TCF4: variants seen among roughly 807,000 people sequenced by gnomAD.
TCF4 encodes the protein SL3-3 enhancer factor 2.
A neutral mutation model predicts 82.1 loss-of-function variants in TCF4; 3 were observed. The observed-to-expected ratio is 0.04, with a 90% confidence interval of 0.02 to 0.09. TCF4 has a LOEUF of 0.09. Ranked by LOEUF, TCF4 falls within the 10% of genes least tolerant of loss-of-function variation. TCF4 has a pLI of 1.00. For missense variants in TCF4, 518 were observed against 852.7 expected (o/e 0.61, Z 4.89); for synonymous variants, 276 against 309.6 (o/e 0.89, Z 1.14).
chr18:55,322,351 C>T, intron 8 of TCF4: 1 of 994,586 alleles, frequency 1.0e-6, no homozygotes, highest in Non-Finnish European at 1.2e-6. Context: ...GTCTCTGCTG[C>T]TGGCTAGCTC....
At chr18:55,585,435 C>T (rs2097631773) in intron 2 of TCF4, 83 bp from the exon 3 acceptor site, 4 of 1,250,470 alleles carry the variant, frequency 3.2e-6, no homozygotes, top group Non-Finnish European at 4.7e-6. Flanking sequence ...ATACTGTTAC[C>T]AAACAGCTTA....
Position 55,225,372 on chromosome 18 carries a change from C to T in TCF4, c.*2663G>A, listed in dbSNP as rs1021210009. ...TTGCTTTGTTTACAGATTTGAAAAA[C>T]TTTAATTCAGCTCTATTAAGCACCT... On this transcript the variant is annotated 3_prime_UTR_variant, in exon 20 of 20. Transcript: ENST00000354452. 2 of 152,548 alleles carry T rather than the reference C, an allele frequency of 1.3e-5. No homozygotes were observed. The highest frequency in any genetic ancestry group is 2.9e-5 in the Non-Finnish European group (2 of 67,992). 9.4% of individuals were successfully genotyped at this position (152,548 alleles called of 1,614,324 possible).
In TCF4 at chr18:55,508,192, G is replaced by T. The variant is rs377107127; in HGVS notation, c.146-44055C>A. Among the ~76,000 whole-genome samples the T allele has an allele frequency of 2.0e-5, 3 of 151,974 alleles. No individual in the cohort carries two copies. The South Asian group carries it at 6.2e-4, about 32-fold the overall frequency. On this transcript the variant is annotated intron_variant, in intron 3 of 19. Coordinates refer to ENST00000354452, the MANE Select transcript of TCF4 (RefSeq NM_001083962.2). ...TCTGGCAAATAACACCTTATTATTTGATATGTGCAACTGCAAACTCATTTA... is the reference window on the plus strand; with the variant it reads ...TCTGGCAAATAACACCTTATTATTTTATATGTGCAACTGCAAACTCATTTA...
chr18:55,429,764 C>CAAA (rs35255242), intron 5 of TCF4, among the ~76,000 whole-genome samples: 5,006 of 56,816 alleles, frequency 0.088, 1,220 homozygotes, highest in Middle Eastern at 0.13. Flanking sequence ...GACTCCATCT[C>CAAA]AAAAAAAAAA....
chr18:55,300,981 A>G (rs192098371), intron 8 of TCF4, among the ~76,000 whole-genome samples: 25 of 152,300 alleles, frequency 1.6e-4, no homozygotes, highest in African/African-American at 4.1e-4. Flanking sequence ...GGTGTGAAGC[A>G]GATCACAGGC....
At chr18:55,354,033 G>C (rs2082893281) in intron 6 of TCF4, among the ~76,000 whole-genome samples, 1 of 152,162 alleles carries the variant, frequency 6.6e-6, no homozygotes, top group Non-Finnish European at 1.5e-5. Context: ...AAACACTGGA[G>C]GCAGATGTGG....
intron 3 of TCF4, among the ~76,000 whole-genome samples, chr18:55,563,657 T>C (rs1266176620): frequency 6.6e-6 from 1 of 152,240 alleles, no homozygotes; most frequent in East Asian, 1.9e-4. Flanking sequence ...GGGGAATCTC[T>C]GAATCTCAGC....
At chr18:55,490,531 A>T (rs2145795880) in intron 3 of TCF4, among the ~76,000 whole-genome samples, 1 of 152,332 alleles carries the variant, frequency 6.6e-6, no homozygotes, top group East Asian at 1.9e-4. Flanking sequence ...TGAATAGTAC[A>T]TGCAAGTGTT....
chr18:55,587,631 C>A (rs1181948850), intron 1 of TCF4, among the ~76,000 whole-genome samples: 1 of 151,692 alleles, frequency 6.6e-6, no homozygotes, highest in Non-Finnish European at 1.5e-5. Context: ...CCACTCCCCT[C>A]CGCTTTTCAA....
chr18:55,333,019 A>G (rs1603043792), intron 8 of TCF4, among the ~76,000 whole-genome samples: 2 of 152,258 alleles, frequency 1.3e-5, no homozygotes, highest in African/African-American at 2.4e-5. Flanking sequence ...CAAGTCTACC[A>G]AAAAATTTAC....
At chr18:55,470,784 G>T (rs1475150989) in intron 3 of TCF4, among the ~76,000 whole-genome samples, 1 of 152,104 alleles carries the variant, frequency 6.6e-6, no homozygotes, top group Non-Finnish European at 1.5e-5. Context: ...TCCTGCTCTT[G>T]TGGAAATATA....
At chr18:55,373,869 A>C (rs967556344) in intron 6 of TCF4, among the ~76,000 whole-genome samples, 3 of 152,092 alleles carry the variant, frequency 2.0e-5, no homozygotes, top group African/African-American at 4.8e-5. Flanking sequence ...TTTCAAATGC[A>C]TATGAAATGC....
chr18:55,587,107 G>C lies in TCF4; in HGVS notation c.10C>G (p.Gln4Glu). 6.2e-7 allele frequency: 1 copy of C among 1,613,230 alleles called. No homozygotes were observed. The highest frequency in any genetic ancestry group is 8.5e-7 in the Non-Finnish European group (1 of 1,179,874). ...GTCCCTAAGGCAGCCATTCGCTGTT[G>C]GTGATGCATTTTAGCAAAATCACAC... is the stretch of plus-strand genomic sequence containing the variant. MHH[Q>E]QRMAALGTDK... Residue 4 changes from glutamine to glutamate, a missense_variant, in exon 2 of 20, where the codon CAA becomes GAA. Gln to Glu is a conservative substitution (Grantham distance 29). Transcript: ENST00000354452.
At chr18:55,450,793 T>C (rs772682039) in intron 5 of TCF4, among the ~76,000 whole-genome samples, 2 of 152,206 alleles carry the variant, frequency 1.3e-5, no homozygotes, top group Non-Finnish European at 2.9e-5. Flanking sequence ...ATGAAAACCA[T>C]GGTACCTTGT....
chr18:55,429,497 T>C (rs1454414668), intron 5 of TCF4, among the ~76,000 whole-genome samples: 2 of 152,172 alleles, frequency 1.3e-5, no homozygotes, highest in African/African-American at 4.8e-5. Flanking sequence ...GCACGATGGC[T>C]CACGCCTGTA....
chr18:55,275,482 A>G, intron 10 of TCF4, 137 bp downstream of exon 10: 1 of 1,125,510 alleles, frequency 8.9e-7, no homozygotes, highest in Non-Finnish European at 1.3e-6. Flanking sequence ...TCACAGAAAC[A>G]ATACAACTTA....
intron 3 of TCF4, among the ~76,000 whole-genome samples, chr18:55,522,323 G>C (rs1309916727): frequency 6.6e-6 from 1 of 152,008 alleles, no homozygotes; most frequent in Non-Finnish European, 1.5e-5. Flanking sequence ...AGTTTAACAT[G>C]TTAAAAACTG....
At chr18:55,474,967 T>C (rs763867112) in intron 3 of TCF4, among the ~76,000 whole-genome samples, 9 of 152,208 alleles carry the variant, frequency 5.9e-5, no homozygotes, top group Non-Finnish European at 7.3e-5. Flanking sequence ...TATAATTATA[T>C]AATATGTTGC....
intron 3 of TCF4, among the ~76,000 whole-genome samples, chr18:55,487,127 T>C (rs1296516856): frequency 6.6e-6 from 1 of 152,236 alleles, no homozygotes; most frequent in Non-Finnish European, 1.5e-5. Flanking sequence ...TACTTTACAC[T>C]GGCACTTCCT....
Sources: gnomAD v4.1 joint callset for allele counts (sites outside exome capture counted in the v4.1 genomes callset) on GRCh38, gnomAD v4.1.1 for gene constraint, MANE v1.5 for transcripts, NCBI Gene and HGNC (gene_info 2026-07-23, HGNC 2026-07-21) for gene names.